The following CCSER1 variants were observed in gnomAD, a reference collection of about 807,000 sequenced individuals.
CCSER1 encodes the protein coiled-coil serine rich protein 1.
CCSER1 carries 41 observed loss-of-function variants against 82.0 expected under a neutral mutation model. The ratio of observed to expected loss-of-function variants is 0.50; its 90% CI spans 0.39 to 0.65. CCSER1 has a LOEUF of 0.65. Among genes scored for constraint, CCSER1 ranks in the 30% least tolerant of loss-of-function variants. The pLI is 0.00. For synonymous variants in CCSER1, 414 were observed against 383.9 expected (o/e 1.08, Z -0.92); for missense variants, 1,119 against 1,064.2 (o/e 1.05, Z -0.72).
intron 1 of CCSER1, among the ~76,000 whole-genome samples, chr4:90,151,976 C>A (rs1726949640): frequency 6.6e-6 from 1 of 152,092 alleles, no homozygotes; most frequent in African/African-American, 2.4e-5. Flanking sequence ...GAGATTATCT[C>A]CAGCTCTATT....
chr4:91,112,583 A>T (rs1331736796), intron 10 of CCSER1: 1 of 152,178 alleles, frequency 6.6e-6, no homozygotes, highest in African/African-American at 2.4e-5. Flanking sequence ...TGCAGAAAAC[A>T]TTGAATCAAC....
intron 10 of CCSER1, among the ~76,000 whole-genome samples, chr4:91,182,977 A>G (rs1001028021): frequency 1.3e-5 from 2 of 152,222 alleles, no homozygotes; most frequent in African/African-American, 4.8e-5. Flanking sequence ...GACCAGAGGC[A>G]TTAACATGGG....
rs554344225 is a variant in CCSER1 at position 90,608,266 on chromosome 4, G to T, written c.1725-19759G>T. 3.9e-5 allele frequency among the ~76,000 whole-genome samples: 6 copies of T among 152,086 alleles called. 1 individual carries two copies. The South Asian group carries it at 1.2e-3, about 32-fold the overall frequency. ...TTGGCCAGGCCACGGTGTTATCTGA[G>T]GTTCGTCACCCAAACTCATGTGATC... On this transcript the variant is annotated intron_variant, in intron 5 of 10. Coordinates refer to ENST00000509176, the MANE Select transcript of CCSER1 (RefSeq NM_001145065.2).
Position 90,453,390 on chromosome 4 carries a change from A to G in CCSER1, c.1604-14844A>G, listed in dbSNP as rs180872358. Among the ~76,000 whole-genome samples the G allele has an allele frequency of 2.6e-5, 4 of 152,286 alleles. No individual in the cohort carries two copies. The East Asian group carries it at 7.7e-4, about 29-fold the overall frequency. ...GTTTTTGTATCCCCAATATCAGGGT[A>G]TTACAAGGGTTGTTACAGGGTTTGA... On this transcript the variant is annotated intron_variant, in intron 4 of 10. Coordinates refer to ENST00000509176, the MANE Select transcript of CCSER1 (RefSeq NM_001145065.2).
chr4:90,313,382 C>A (rs1043303671), intron 3 of CCSER1, among the ~76,000 whole-genome samples: 1 of 152,146 alleles, frequency 6.6e-6, no homozygotes, highest in Non-Finnish European at 1.5e-5. Flanking sequence ...ATCTTCTCTC[C>A]ACCATATAGC....
chr4:90,478,273 G>A (rs1418768692), intron 5 of CCSER1, among the ~76,000 whole-genome samples: 1 of 152,064 alleles, frequency 6.6e-6, no homozygotes, highest in Admixed American at 6.6e-5. Context: ...ATTCCTGTCT[G>A]TTTCTATAAT....
chr4:90,946,063 A>G (rs1732198859), intron 9 of CCSER1, among the ~76,000 whole-genome samples: 1 of 152,168 alleles, frequency 6.6e-6, no homozygotes, highest in African/African-American at 2.4e-5. Flanking sequence ...CACTTTTCAA[A>G]AAATAAACTA....
rs190279214 is a variant in CCSER1, at chr4:90,815,729, G to A, written c.2011-33G>A. 4 of 1,485,240 alleles carry A rather than the reference G, an allele frequency of 2.7e-6. No individual in the cohort carries two copies. The East Asian group carries it at 7.4e-5, about 28-fold the overall frequency. 92.0% of individuals were successfully genotyped at this position (1,485,240 alleles called of 1,614,324 possible). ...ATCAAGAGCAAAGTAAAAGGGCTAA[G>A]CCTATTATGCTGTCTCTTTGATGTT... is the stretch of plus-strand genomic sequence containing the variant. On this transcript the variant is annotated intron_variant, in intron 7 of 10. Transcript: ENST00000509176.
chr4:90,610,289 AAATAAATAAAT>A (rs1785290084), intron 5 of CCSER1, among the ~76,000 whole-genome samples: 2 of 150,990 alleles, frequency 1.3e-5, no homozygotes, highest in South Asian at 2.1e-4. Flanking sequence ...ATAAATAAAT[AAATAAATAAAT>A]AAAATGTGAT....
rs1449327053 is a variant in CCSER1 at position 90,816,769 on chromosome 4, C to G, written c.2094+924C>G. Among the ~76,000 whole-genome samples the G allele has an allele frequency of 1.2e-4, 18 of 152,170 alleles. No individual in the cohort carries two copies. The East Asian group carries it at 3.5e-3, about 29-fold the overall frequency. ...TAGTGTATTATGTAATTATTGAACA[C>G]AACTAAATTACAAAACAGACTTTAT... On this transcript the variant is annotated intron_variant, in intron 8 of 10. Transcript: ENST00000509176.
At chr4:91,319,774 T>A (rs6532290) in intron 10 of CCSER1, 8 of 454,256 alleles carry the variant, frequency 1.8e-5, no homozygotes, top group East Asian at 1.4e-4. Flanking sequence ...GCTGCTTCTC[T>A]TATGCTCTAA....
chr4:90,369,648 T>C (rs867617457), intron 3 of CCSER1, among the ~76,000 whole-genome samples: 9 of 152,092 alleles, frequency 5.9e-5, no homozygotes, highest in Middle Eastern at 3.4e-3. Context: ...AGTGTACTAA[T>C]ATAAATGTAT....
At chr4:90,987,463 C>T (rs779883667) in intron 9 of CCSER1, among the ~76,000 whole-genome samples, 29 of 151,628 alleles carry the variant, frequency 1.9e-4, no homozygotes, top group Non-Finnish European at 2.2e-4. Flanking sequence ...TCCTTTCTCT[C>T]TGGTTCAAAA....
At chr4:90,200,497 A>C (rs1014399039) in intron 1 of CCSER1, among the ~76,000 whole-genome samples, 4 of 152,018 alleles carry the variant, frequency 2.6e-5, no homozygotes, top group East Asian at 1.9e-4. Context: ...ATACAAAAAA[A>C]CCCAGCAAAG....
intron 10 of CCSER1, among the ~76,000 whole-genome samples, chr4:91,323,661 CA>C (rs1268175808): frequency 2.0e-5 from 3 of 152,154 alleles, no homozygotes; most frequent in African/African-American, 7.2e-5. Flanking sequence ...GTTTATCCCT[CA>C]TTTAAACTTT....
rs1411446207 is a variant in CCSER1 at position 90,178,735 on chromosome 4, A to G, written c.-42+50904A>G. ...GGGAACAATAGTACATTCTTGAAAGATAATTGTAATTCTTTCAAGGCTCAT... is the reference window on the plus strand; with the variant it reads ...GGGAACAATAGTACATTCTTGAAAGGTAATTGTAATTCTTTCAAGGCTCAT... On this transcript the variant is annotated intron_variant, in intron 1 of 10. Coordinates refer to ENST00000509176, the MANE Select transcript of CCSER1 (RefSeq NM_001145065.2). Among the ~76,000 whole-genome samples the G allele has an allele frequency of 2.6e-5, 4 of 152,180 alleles. No homozygotes were observed. The East Asian group carries it at 5.8e-4, about 22-fold the overall frequency.
intron 4 of CCSER1, among the ~76,000 whole-genome samples, chr4:90,432,589 C>CTCTT (rs756767875): frequency 4.7e-4 from 71 of 151,490 alleles, no homozygotes; most frequent in Admixed American, 2.0e-3. Flanking sequence ...CTCTCTCTCT[C>CTCTT]TCTTTCTTTC....
chr4:90,649,319 A>G (rs1728290554), intron 6 of CCSER1, among the ~76,000 whole-genome samples: 1 of 152,150 alleles, frequency 6.6e-6, no homozygotes. Context: ...AAATGAAGAG[A>G]TTAATTACTA....
At chr4:91,038,097 A>G (rs1479508980) in intron 9 of CCSER1, among the ~76,000 whole-genome samples, 2 of 152,196 alleles carry the variant, frequency 1.3e-5, no homozygotes, top group African/African-American at 4.8e-5. Context: ...TACCCTGTCC[A>G]CAAGAGTTTC....
Sources: allele counts gnomAD v4.1 joint callset (sites outside exome capture counted in the v4.1 genomes callset), GRCh38; gene constraint gnomAD v4.1.1; transcripts MANE v1.5; gene names NCBI Gene and HGNC (gene_info 2026-07-23, HGNC 2026-07-21).